The following MNAT1 variants were observed in gnomAD, a reference collection of about 807,000 sequenced individuals.
MNAT1 encodes CDK-activating kinase assembly factor MAT1.
A neutral mutation model predicts 42.0 loss-of-function variants in MNAT1; 43 were observed. That is an observed-to-expected ratio of 1.02 (90% CI 0.80 to 1.32). The LOEUF (loss-of-function observed/expected upper bound fraction) is 1.32, where lower values mean the gene tolerates loss of function less well. Among genes scored for constraint, MNAT1 ranks in the 40% most tolerant of loss-of-function variants. MNAT1 has a pLI of 0.00. For missense variants in MNAT1, 306 were observed against 350.4 expected, an observed-to-expected ratio of 0.87 and a Z score of 1.01; for synonymous variants, 118 against 120.0, an observed-to-expected ratio of 0.98 and a Z score of 0.11.
intron 6 of MNAT1, among the ~76,000 whole-genome samples, chr14:60,844,275 GTATA>G (rs1216254063): frequency 6.6e-6 from 1 of 152,074 alleles, no homozygotes; most frequent in Non-Finnish European, 1.5e-5. Context: ...CTTGGTAAAA[GTATA>G]ATTGATATTC....
rs138575597 is a variant in MNAT1, at chr14:60,943,003, AGTGTGTGTGTGTGTGTGTGTGT to A, written c.810-25200_810-25179del. The stretch of plus-strand genomic sequence containing the variant: ...TATTAATTGAATTAGAACCACATGT[AGTGTGTGTGTGTGTGTGTGTGT>A]GTGTGTGTGTGTGTGTGTGTGTGTG... On this transcript the variant is annotated intron_variant, in intron 7 of 7. Transcript: ENST00000261245. 1.5e-4 allele frequency among the ~76,000 whole-genome samples: 12 copies of A among 78,476 alleles called. 1 individual carries two copies. The highest frequency in any genetic ancestry group is 2.1e-4 in the Admixed American group (1 of 4,820). 51.5% of individuals were successfully genotyped at this position (78,476 alleles called of 152,430 possible). A position where few individuals can be genotyped will look rare whatever the true frequency, so the allele number is the denominator to read the frequency against.
chr14:60,777,676 A>G (rs2031302336), intron 1 of MNAT1, among the ~76,000 whole-genome samples: 2 of 152,008 alleles, frequency 1.3e-5, no homozygotes, highest in Admixed American at 6.6e-5. Flanking sequence ...AAAGATTATA[A>G]TAAATATTGG....
intron 7 of MNAT1, among the ~76,000 whole-genome samples, chr14:60,880,228 G>C (rs2034521809): frequency 6.6e-6 from 1 of 152,122 alleles, no homozygotes; most frequent in Admixed American, 6.5e-5. Context: ...ACTGTCTACA[G>C]TGAAACTACA....
intron 7 of MNAT1, among the ~76,000 whole-genome samples, chr14:60,958,079 T>C (rs1479256571): frequency 1.3e-5 from 2 of 152,138 alleles, no homozygotes; most frequent in African/African-American, 4.8e-5. Flanking sequence ...TCAGGTGATC[T>C]GCCCGCCTCA....
At chr14:60,821,742 C>T (rs772657159) in intron 6 of MNAT1, among the ~76,000 whole-genome samples, 19 of 152,176 alleles carry the variant, frequency 1.2e-4, no homozygotes, top group African/African-American at 3.1e-4. Flanking sequence ...TTTTCCATGC[C>T]GGTCTCATTT....
At chr14:60,947,081 C>T (rs2036291914) in intron 7 of MNAT1, among the ~76,000 whole-genome samples, 1 of 152,118 alleles carries the variant, frequency 6.6e-6, no homozygotes, top group African/African-American at 2.4e-5. Flanking sequence ...CACAAAGACC[C>T]CATTTCCAAA....
chr14:60,946,548 T>C (rs1262848727), intron 7 of MNAT1, among the ~76,000 whole-genome samples: 1 of 152,102 alleles, frequency 6.6e-6, no homozygotes, highest in Non-Finnish European at 1.5e-5. Flanking sequence ...TTTTTCTTCC[T>C]CTGATTTCTT....
chr14:60,944,628 T>C (rs1208554370), intron 7 of MNAT1, among the ~76,000 whole-genome samples: 2 of 152,198 alleles, frequency 1.3e-5, no homozygotes, highest in African/African-American at 4.8e-5. Context: ...CCTACCCCCA[T>C]AGTACTGGTC....
chr14:60,819,190 G>A (rs191274493), intron 6 of MNAT1, among the ~76,000 whole-genome samples: 10 of 152,112 alleles, frequency 6.6e-5, no homozygotes, highest in Admixed American at 2.6e-4. Flanking sequence ...GTATCAATTA[G>A]TGTTTTCTTC....
chr14:60,812,160 A>G (rs1020491179), intron 5 of MNAT1, 33 bp downstream of exon 5: 1 of 1,491,192 alleles, frequency 6.7e-7, no homozygotes, highest in East Asian at 2.4e-5. Context: ...ATTGTAAAAA[A>G]CATTCTTCAG....
chr14:60,860,139 C>T (rs905526814), intron 6 of MNAT1, among the ~76,000 whole-genome samples: 4 of 152,042 alleles, frequency 2.6e-5, no homozygotes, highest in South Asian at 2.1e-4. Flanking sequence ...TTCTAACTTT[C>T]AGGCTTTTGG....
At chr14:60,870,311 G>A (rs2034300598) in intron 6 of MNAT1, among the ~76,000 whole-genome samples, 1 of 152,090 alleles carries the variant, frequency 6.6e-6, no homozygotes, top group South Asian at 2.1e-4. Context: ...ACTACTGAAT[G>A]TACAGTTTGC....
chr14:60,890,223 C>T (rs535126977), intron 7 of MNAT1, among the ~76,000 whole-genome samples: 31 of 152,160 alleles, frequency 2.0e-4, no homozygotes, highest in Middle Eastern at 3.4e-3. Flanking sequence ...AATGATAGAG[C>T]GGATTAAGAA....
intron 6 of MNAT1, among the ~76,000 whole-genome samples, chr14:60,869,382 T>C (rs2034280043): frequency 6.6e-6 from 1 of 151,998 alleles, no homozygotes; most frequent in Non-Finnish European, 1.5e-5. Context: ...TTCAACAAAA[T>C]ATTGAGCAGC....
At chr14:60,816,656 A>G (rs747434125) in intron 5 of MNAT1, among the ~76,000 whole-genome samples, 1 of 152,112 alleles carries the variant, frequency 6.6e-6, no homozygotes, top group Non-Finnish European at 1.5e-5. Flanking sequence ...GCAAAGAATG[A>G]AATAACTTGA....
chr14:60,746,940 AC>A (rs1896647015), intron 1 of MNAT1, among the ~76,000 whole-genome samples: 2 of 30,954 alleles, frequency 6.5e-5, no homozygotes, highest in East Asian at 6.5e-4. Flanking sequence ...ACACACACAC[AC>A]ACACACACAC....
chr14:60,863,799 CAT>C, intron 6 of MNAT1, among the ~76,000 whole-genome samples: 1 of 152,068 alleles, frequency 6.6e-6, no homozygotes. Context: ...TCTCATAAAA[CAT>C]GTCTCTTAAT....
intron 1 of MNAT1, among the ~76,000 whole-genome samples, chr14:60,766,481 A>G (rs575409140): frequency 2.0e-5 from 3 of 152,306 alleles, no homozygotes; most frequent in South Asian, 2.1e-4. Context: ...TGGGAGGCCA[A>G]GGCCGGTGGA....
At chr14:60,944,988 C>T (rs1280036787) in intron 7 of MNAT1, among the ~76,000 whole-genome samples, 2 of 151,976 alleles carry the variant, frequency 1.3e-5, no homozygotes, top group Admixed American at 1.3e-4. Flanking sequence ...TAGCAGTTTC[C>T]CAAAGCTAAT....
Sources: gnomAD v4.1 joint callset for allele counts (sites outside exome capture counted in the v4.1 genomes callset) on GRCh38, gnomAD v4.1.1 for gene constraint, MANE v1.5 for transcripts, NCBI Gene and HGNC (gene_info 2026-07-23, HGNC 2026-07-21) for gene names.